The following ADGRB1 variants were observed in gnomAD, a reference collection of about 807,000 sequenced individuals.
ADGRB1 encodes brain-specific angiogenesis inhibitor 1.
In ADGRB1, 36 loss-of-function variants were observed where a neutral mutation model predicts 175.7. That is an observed-to-expected ratio of 0.20 (90% CI 0.16 to 0.27). The LOEUF (loss-of-function observed/expected upper bound fraction) is 0.27, where lower values mean the gene tolerates loss of function less well. Among genes scored for constraint, ADGRB1 ranks in the 10% least tolerant of loss-of-function variants. ADGRB1 has a pLI of 1.00. For synonymous variants in ADGRB1, 1,054 were observed against 979.4 expected, an observed-to-expected ratio of 1.08 and a Z score of -1.42; for missense variants, 1,731 against 2,255.3, an observed-to-expected ratio of 0.77 and a Z score of 4.71.
rs896494834 is a variant in ADGRB1 at position 142,542,102 on chromosome 8, G to T, written c.3868G>T (p.Gly1290Cys). The change falls in exon 28 of 31, where the codon GGC (glycine) becomes TGC (cysteine). Residue 1290 changes from glycine (G) to cysteine (C), a missense_variant. Physicochemically the swap from Gly to Cys is radical, Grantham distance 159. Around this residue, in one of 8 missense-constraint regions of ADGRB1, gnomAD observed 394 missense variants for 410.2 expected, o/e 0.96. Transcript: ENST00000517894. This position sits in a 1 kb window ranked among gnomAD's most constrained non-coding sequence, Gnocchi z 6.3. ...CAACGTGTCCAAGCTGCACCTGCAC[G>T]GCTCACCCCGCTATCCCGGCGGGCC... is the stretch of plus-strand genomic sequence containing the variant. ...PANVSKLHLH[G>C]SPRYPGGPLP... The T allele has an allele frequency of 3.1e-6, 5 of 1,613,400 alleles. No individual in the cohort carries two copies. Among genetic ancestry groups the T allele is most frequent in the Non-Finnish European group, 4.2e-6 (5 of 1,179,828 alleles).
At chr8:142,527,933 C>A (rs1446883349) in intron 24 of ADGRB1, among the ~76,000 whole-genome samples, 2 of 152,236 alleles carry the variant, frequency 1.3e-5, no homozygotes, top group Non-Finnish European at 2.9e-5. Flanking sequence ...CACACTAGAA[C>A]TAAGCCCAGG....
rs146369800 is a variant in ADGRB1, at chr8:142,483,924, G to A, written c.2131-53G>A. The A allele has an allele frequency of 3.4e-5, 53 of 1,571,382 alleles. No homozygotes were observed. The Middle Eastern group carries it at 5.0e-4, about 15-fold the overall frequency. On this transcript the variant is annotated intron_variant, in intron 11 of 30. Coordinates refer to ENST00000517894, the MANE Select transcript of ADGRB1 (RefSeq NM_001702.3). ...AATCCTGACCCTGGTCACAGTGAAC[G>A]GTGATTTTGTGCCCTGTTCTCTGTC...
chr8:142,504,026 C>T lies in ADGRB1; in HGVS notation c.2676-6906C>T, dbSNP rs1842744825. Among the ~76,000 whole-genome samples, 1 of 152,182 alleles carries T rather than the reference C, an allele frequency of 6.6e-6. No homozygotes were observed. Among genetic ancestry groups the T allele is most frequent in the Admixed American group, 6.5e-5 (1 of 15,290 alleles). On this transcript the variant is annotated intron_variant, in intron 17 of 30. Transcript: ENST00000517894. This position sits in a 1 kb window ranked among gnomAD's most constrained non-coding sequence, Gnocchi z 5.6. ...TCATAGACAGGGCACCAAGCCTGAGCAGGCTCCAGCGTCATCTGGCAAGCT... is the reference window on the plus strand; with the variant it reads ...TCATAGACAGGGCACCAAGCCTGAGTAGGCTCCAGCGTCATCTGGCAAGCT...
rs540835913 is a variant in ADGRB1, at chr8:142,525,004, G to A, written c.3312+700G>A. 3.3e-5 allele frequency among the ~76,000 whole-genome samples: 5 copies of A among 152,012 alleles called. No individual in the cohort carries two copies. In the South Asian group the frequency reaches 6.2e-4, roughly 19 times the overall value. Reference sequence around the variant, plus strand: ...CCACCCTCACATCCCCTCCCCTCTCGCCCCAGGAGAGGCCATCCACTTCCA... The same window carrying A: ...CCACCCTCACATCCCCTCCCCTCTCACCCCAGGAGAGGCCATCCACTTCCA... On this transcript the variant is annotated intron_variant, in intron 23 of 30. Coordinates refer to ENST00000517894, the MANE Select transcript of ADGRB1 (RefSeq NM_001702.3).
At chr8:142,531,250 C>A (rs1325454030) in intron 24 of ADGRB1, among the ~76,000 whole-genome samples, 1 of 152,234 alleles carries the variant, frequency 6.6e-6, no homozygotes, top group African/African-American at 2.4e-5. Flanking sequence ...AGGCCCCAGC[C>A]GAGGGGTCCT....
Position 142,497,271 on chromosome 8 carries a change from G to A in ADGRB1, c.2675+6456G>A, listed in dbSNP as rs1306338682. ...GTCCTGGCTCGGGACCCAGACCCTG[G>A]TCCCTCCCTGGGACCCCTGCCCAAG... On this transcript the variant is annotated intron_variant, in intron 17 of 30. Transcript: ENST00000517894. Among the ~76,000 whole-genome samples the A allele has an allele frequency of 3.9e-5, 6 of 152,158 alleles. No homozygotes were observed. The East Asian group carries it at 1.2e-3, about 29-fold the overall frequency.
chr8:142,456,890 A>G (rs555483129), intron 1 of ADGRB1, among the ~76,000 whole-genome samples: 18 of 152,202 alleles, frequency 1.2e-4, no homozygotes, highest in African/African-American at 4.3e-4. Flanking sequence ...AGGTCCCCAT[A>G]CTGTTGCTAG....
intron 24 of ADGRB1, among the ~76,000 whole-genome samples, chr8:142,529,574 C>G (rs1587422943): frequency 6.6e-6 from 1 of 150,524 alleles, no homozygotes; most frequent in African/African-American, 2.4e-5. Flanking sequence ...GTGCAACCCA[C>G]TGTGCATGTG....
At chr8:142,495,521 A>G (rs1842173137) in intron 17 of ADGRB1, among the ~76,000 whole-genome samples, 1 of 152,172 alleles carries the variant, frequency 6.6e-6, no homozygotes, top group Non-Finnish European at 1.5e-5. Flanking sequence ...GAATCTTGAA[A>G]TCAAAGTGTT....
At position 142,543,500 on chromosome 8, in the gene ADGRB1, C is replaced by A. The variant is rs369080410; in HGVS notation, c.4449+62C>A. ...GCCAGATGTGCTCTGGGCTCCCACA[C>A]GGCCAGGCAGCTCCCCGGCAGCCAG... On this transcript the variant is annotated intron_variant, in intron 29 of 30. Transcript: ENST00000517894. This position sits in a 1 kb window ranked among gnomAD's most constrained non-coding sequence, Gnocchi z 4.4. The A allele has an allele frequency of 1.4e-5, 23 of 1,609,160 alleles. No homozygotes were observed. Among genetic ancestry groups the A allele is most frequent in the Non-Finnish European group, 2.0e-5 (23 of 1,177,458 alleles).
At chr8:142,471,790 T>C (rs1840679048) in intron 2 of ADGRB1, among the ~76,000 whole-genome samples, 1 of 152,212 alleles carries the variant, frequency 6.6e-6, no homozygotes, top group Admixed American at 6.5e-5. Context: ...GACCAGCCAC[T>C]TGGGCACCTC....
chr8:142,543,535 G>C lies in ADGRB1; in HGVS notation c.4450-66G>C. ...GCTCCCCGGCAGCCAGGGGACGGGC[G>C]GGGCAGGCAGGATGGGCCATGCCCT... On this transcript the variant is annotated intron_variant, in intron 29 of 30. Coordinates refer to ENST00000517894, the MANE Select transcript of ADGRB1 (RefSeq NM_001702.3). This position sits in a 1 kb window ranked among gnomAD's most constrained non-coding sequence, Gnocchi z 4.4. 6.3e-7 allele frequency: 1 copy of C among 1,589,500 alleles called. No individual in the cohort carries two copies. The highest frequency in any genetic ancestry group is 8.6e-7 in the Non-Finnish European group (1 of 1,167,198).
chr8:142,489,417 C>T lies in ADGRB1; in HGVS notation c.2610C>T (p.Ile870=), dbSNP rs1050892415. 1.2e-6 allele frequency: 2 copies of T among 1,612,800 alleles called. No homozygotes were observed. Among genetic ancestry groups the T allele is most frequent in the Non-Finnish European group, 1.7e-6 (2 of 1,179,842 alleles). The change falls in exon 16 of 31, where the codon ATC becomes ATT. Residue 870 remains isoleucine, a synonymous_variant. Transcript: ENST00000517894. ...PPRSLRTPLE[I]EFAHMYNGTT... ...GCTCCCTGCGCACACCCTTGGAGAT[C>T]GAGTTTGCCCACATGTATAATGTGA...
intron 9 of ADGRB1, among the ~76,000 whole-genome samples, chr8:142,480,124 G>A (rs1311425921): frequency 3.3e-5 from 5 of 152,200 alleles, no homozygotes; most frequent in East Asian, 1.9e-4. Flanking sequence ...CGGGGCTTGC[G>A]GGGACAGGAA....
In ADGRB1 at chr8:142,510,960, G is replaced by C; in HGVS notation, c.2704G>C (p.Gly902Arg). ...CTCCTCCTCCGCCCCCCCGCAGCTC[G>C]GGCCCTGGTCGTGGCGCGGCTGCCG... ...VPSSSAPPQLGPWSWRGCRTV... is the reference protein window; with the variant it reads ...VPSSSAPPQLRPWSWRGCRTV... Residue 902 changes from glycine (G) to arginine (R), a missense_variant, in exon 18 of 31, where the codon GGG becomes CGG. Physicochemically the swap from Gly to Arg is moderately radical, Grantham distance 125. Around this residue, in one of 8 missense-constraint regions of ADGRB1, gnomAD observed 77 missense variants for 71.6 expected, o/e 1.08. Transcript: ENST00000517894. This position sits in a 1 kb window ranked among gnomAD's most constrained non-coding sequence, Gnocchi z 6.3. 8.0e-7 allele frequency: 1 copy of C among 1,249,364 alleles called. No homozygotes were observed. Among genetic ancestry groups the C allele is most frequent in the Non-Finnish European group, 1.0e-6 (1 of 976,556 alleles). The allele number at this position is 1,249,364 out of a possible 1,614,324, so 77.4% of individuals were successfully genotyped here.
intron 17 of ADGRB1, among the ~76,000 whole-genome samples, chr8:142,500,143 G>A (rs939907705): frequency 2.0e-5 from 3 of 151,940 alleles, no homozygotes; most frequent in Non-Finnish European, 4.4e-5. Context: ...GCTGCCGTCC[G>A]GCGCTGCCTG....
rs573953264 is a variant in ADGRB1, at chr8:142,528,121, G to A, written c.3398+1494G>A. On this transcript the variant is annotated intron_variant, in intron 24 of 30. Coordinates refer to ENST00000517894, the MANE Select transcript of ADGRB1 (RefSeq NM_001702.3). ...CCAGTACACCGGTCTATGTGTGCAC[G>A]CACACCCACACGCATGGGCACACAC... Among the ~76,000 whole-genome samples, 12 of 152,316 alleles carry A rather than the reference G, an allele frequency of 7.9e-5. No homozygotes were observed. In the South Asian group the frequency reaches 1.9e-3, roughly 24 times the overall value.
At chr8:142,481,007 G>C (rs930598053) in intron 9 of ADGRB1, among the ~76,000 whole-genome samples, 10 of 152,240 alleles carry the variant, frequency 6.6e-5, no homozygotes, top group African/African-American at 2.4e-4. Flanking sequence ...CCACCTCCAT[G>C]CAGTGGGGTT....
rs116139856 is a variant in ADGRB1 at position 142,510,441 on chromosome 8, C to G, written c.2676-491C>G. Among the ~76,000 whole-genome samples the G allele has an allele frequency of 0.13, 19,304 of 150,870 alleles. 2,696 individuals carry two copies. The highest frequency in any genetic ancestry group is 0.35 in the African/African-American group (14,561 of 41,184). ...CCCTGGGCCGCGGGGCCGGAGAGCT[C>G]CGGAGCGGACCCTCGCCGCGCTCCG... is the stretch of plus-strand genomic sequence containing the variant. On this transcript the variant is annotated intron_variant, in intron 17 of 30. Transcript: ENST00000517894. This position sits in a 1 kb window ranked among gnomAD's most constrained non-coding sequence, Gnocchi z 6.3.
Sources: allele counts gnomAD v4.1 joint callset (sites outside exome capture counted in the v4.1 genomes callset), GRCh38; gene constraint gnomAD v4.1.1; regional missense constraint gnomAD v4.1.1; non-coding constraint Gnocchi (gnomAD v3.1); transcripts MANE v1.5; gene names NCBI Gene and HGNC (gene_info 2026-07-23, HGNC 2026-07-21).